Variants in CACNA1C observed in about 807,000 individuals in gnomAD.
The protein encoded by CACNA1C is calcium voltage-gated channel subunit alpha1 C.
A neutral mutation model predicts 229.0 loss-of-function variants in CACNA1C; 30 were observed. The observed-to-expected ratio is 0.13, with a 90% CI of 0.10 to 0.18. The LOEUF is 0.18. Among genes scored for constraint, CACNA1C ranks in the 10% least tolerant of loss-of-function variants. The pLI is 1.00. For missense variants in CACNA1C, 1,658 were observed against 2,845.0 expected (o/e 0.58, Z 9.49); for synonymous variants, 1,114 against 1,132.5 (o/e 0.98, Z 0.33).
Position 2,183,152 on chromosome 12 carries a change from C to T in CACNA1C, c.477+62722C>T, listed in dbSNP as rs149882615. On this transcript the variant is annotated intron_variant, in intron 3 of 46. Transcript: ENST00000399655. ...CCTCCCAAAGTGCTGAGATTATAGG[C>T]GTGAGCCACCATGCCCAGCCCCCTG... Among the ~76,000 whole-genome samples, 1,256 of 152,078 alleles carry T rather than the reference C, an allele frequency of 8.3e-3. 12 individuals carry two copies. The highest frequency in any genetic ancestry group is 0.029 in the African/African-American group (1,187 of 41,478).
intron 3 of CACNA1C, among the ~76,000 whole-genome samples, chr12:2,202,264 C>T (rs956821737): frequency 1.3e-5 from 2 of 152,178 alleles, no homozygotes; most frequent in African/African-American, 4.8e-5. Flanking sequence ...ATGTGGCCTG[C>T]CCAGGACCTC....
At chr12:1,999,727 TATAA>T (rs576437697) in intron 1 of CACNA1C, among the ~76,000 whole-genome samples, 2 of 152,086 alleles carry the variant, frequency 1.3e-5, no homozygotes, top group African/African-American at 4.8e-5. Context: ...CCCTGTTTCT[TATAA>T]ATAAATAAAT....
chr12:2,474,123 A>C (rs528946256), intron 5 of CACNA1C, among the ~76,000 whole-genome samples: 1 of 152,324 alleles, frequency 6.6e-6, no homozygotes, highest in African/African-American at 2.4e-5. Context: ...AGTACATCTC[A>C]TTTACCACCA....
At position 2,191,726 on chromosome 12, in the gene CACNA1C, A is replaced by ACGT. The variant is rs1358836058; in HGVS notation, c.477+71297_477+71299dup. On this transcript the variant is annotated intron_variant, in intron 3 of 46. Transcript: ENST00000399655. ...CACACATGGTCTCATACAGGCACAC[A>ACGT]CGTACACACAGGCACACACATGCAC... is the stretch of plus-strand genomic sequence containing the variant. 3.2e-4 allele frequency among the ~76,000 whole-genome samples: 49 copies of ACGT among 152,062 alleles called. 1 individual carries two copies. Among genetic ancestry groups the ACGT allele is most frequent in the African/African-American group, 1.2e-3 (49 of 41,488 alleles).
At chr12:2,235,150 C>T (rs781588075) in intron 3 of CACNA1C, among the ~76,000 whole-genome samples, 31 of 152,226 alleles carry the variant, frequency 2.0e-4, no homozygotes, top group Non-Finnish European at 1.9e-4. Context: ...CCAGCCCCTT[C>T]GGCCTGCTCC....
At chr12:2,245,420 TTTCAGGTGCTTTATAATA>T (rs1276621770) in intron 3 of CACNA1C, among the ~76,000 whole-genome samples, 1 of 152,150 alleles carries the variant, frequency 6.6e-6, no homozygotes, top group Non-Finnish European at 1.5e-5. Context: ...GAGCAGTGTG[TTTCAGGTGCTTTATAATA>T]AACCTCTCCT....
chr12:2,235,720 T>C (rs2067100034), intron 3 of CACNA1C, among the ~76,000 whole-genome samples: 1 of 152,168 alleles, frequency 6.6e-6, no homozygotes, highest in Non-Finnish European at 1.5e-5. Flanking sequence ...TCTGATGTGA[T>C]GGCCAGGACA....
At chr12:2,130,147 C>T (rs539552522) in intron 3 of CACNA1C, among the ~76,000 whole-genome samples, 15 of 150,000 alleles carry the variant, frequency 1.0e-4, no homozygotes, top group Non-Finnish European at 1.9e-4. Context: ...CTCTATGGTC[C>T]GTGTGTTAAC....
intron 12 of CACNA1C, 117 bp from the exon 13 acceptor site, chr12:2,567,452 G>C: frequency 1.5e-6 from 1 of 650,826 alleles, no homozygotes; most frequent in Non-Finnish European, 2.6e-6. Context: ...GTGGATGGGA[G>C]AGGTGTCATG....
At chr12:2,610,815 G>C in intron 28 of CACNA1C, 116 bp downstream of exon 28, 1 of 1,016,224 alleles carries the variant, frequency 9.8e-7, no homozygotes, top group Non-Finnish European at 1.5e-6. Flanking sequence ...CACCAAGGGA[G>C]GCATTTGGAG....
intron 3 of CACNA1C, among the ~76,000 whole-genome samples, chr12:2,298,535 G>A (rs1009474598): frequency 6.6e-6 from 1 of 152,062 alleles, no homozygotes; most frequent in Non-Finnish European, 1.5e-5. Context: ...CTGACCTTGT[G>A]ATCTGCCCGC....
At chr12:2,577,982 C>G (rs899808400) in intron 13 of CACNA1C, among the ~76,000 whole-genome samples, 1 of 151,506 alleles carries the variant, frequency 6.6e-6, no homozygotes, top group Non-Finnish European at 1.5e-5. Context: ...CATTCTCCTG[C>G]CTCAGCCTCC....
At chr12:2,536,596 A>AG (rs1299948732) in intron 9 of CACNA1C, among the ~76,000 whole-genome samples, 1 of 152,292 alleles carries the variant, frequency 6.6e-6, no homozygotes, top group African/African-American at 2.4e-5. Flanking sequence ...TGGAAGGCTG[A>AG]GGTGGGAAGA....
At chr12:2,451,649 G>A (rs139384869) in intron 4 of CACNA1C, among the ~76,000 whole-genome samples, 1 of 152,268 alleles carries the variant, frequency 6.6e-6, no homozygotes, top group East Asian at 1.9e-4. Flanking sequence ...CCCACACCTG[G>A]TGCCTCACCT....
intron 3 of CACNA1C, chr12:2,223,243 C>G (rs567742468): frequency 6.6e-6 from 1 of 152,330 alleles, no homozygotes; most frequent in Admixed American, 6.5e-5. Flanking sequence ...AGGGTTTGAG[C>G]CCCTGTTTTC....
Position 2,067,579 on chromosome 12 carries a change from C to A in CACNA1C, c.49+13968C>A, listed in dbSNP as rs2059846680. Among the ~76,000 whole-genome samples, 1 of 151,978 alleles carries A rather than the reference C, an allele frequency of 6.6e-6. No individual in the cohort carries two copies. Among genetic ancestry groups the A allele is most frequent in the Admixed American group, 6.6e-5 (1 of 15,256 alleles). On this transcript the variant is annotated intron_variant, in intron 1 of 46. Coordinates refer to ENST00000399655, the MANE Select transcript of CACNA1C (RefSeq NM_000719.7). The surrounding 1 kb of genome is among the most constrained non-coding windows in gnomAD (Gnocchi z 5.3). ...CCAGAGGGTCTTCTGGGTGCTGACA[C>A]CAAAGCAGAGAGAGCTCGTGGTGTG...
chr12:2,479,955 G>C lies in CACNA1C; in HGVS notation c.758-6149G>C, dbSNP rs2099666746. Among the ~76,000 whole-genome samples, 1 of 152,214 alleles carries C rather than the reference G, an allele frequency of 6.6e-6. No homozygotes were observed. On this transcript the variant is annotated intron_variant, in intron 5 of 46. Transcript: ENST00000399655. This position sits in a 1 kb window ranked among gnomAD's most constrained non-coding sequence, Gnocchi z 4.3. ...TTGCCCCAGTAAAGCCAGCAGAGTAGAGGACCCCTGGCCTAATGCTGTCCT... is the reference window on the plus strand; with the variant it reads ...TTGCCCCAGTAAAGCCAGCAGAGTACAGGACCCCTGGCCTAATGCTGTCCT...
chr12:2,257,509 G>C (rs2078437034), intron 3 of CACNA1C, among the ~76,000 whole-genome samples: 3 of 152,226 alleles, frequency 2.0e-5, no homozygotes. Flanking sequence ...GTTCACAATA[G>C]GGTTTGCTCC....
intron 34 of CACNA1C, among the ~76,000 whole-genome samples, chr12:2,658,626 AT>A (rs55703274): frequency 0.98 from 148,280 of 152,064 alleles, 72,409 homozygotes; most frequent in East Asian, 1. Flanking sequence ...GCTTCTACTT[AT>A]TTTTTTTTAA....
Sources: allele counts gnomAD v4.1 joint callset (sites outside exome capture counted in the v4.1 genomes callset), GRCh38; gene constraint gnomAD v4.1.1; non-coding constraint Gnocchi (gnomAD v3.1); transcripts MANE v1.5; gene names NCBI Gene and HGNC (gene_info 2026-07-23, HGNC 2026-07-21).